Variants in PAWR observed in about 807,000 individuals in gnomAD.
The protein encoded by PAWR is PRKC apoptosis WT1 regulator protein.
A neutral mutation model predicts 32.0 loss-of-function variants in PAWR; 23 were observed. That is an observed-to-expected ratio of 0.72 (90% confidence interval 0.52 to 1.02). The LOEUF (loss-of-function observed/expected upper bound fraction) is 1.02. Among genes scored for constraint, PAWR ranks in the 50% least tolerant of loss-of-function variants. The pLI is 0.00. For synonymous variants in PAWR, 226 were observed against 187.1 expected (o/e 1.21, Z -1.70); for missense variants, 457 against 437.7 (o/e 1.04, Z -0.39).
chr12:79,613,577 T>G lies in PAWR; in HGVS notation c.681A>C (p.Lys227Asn). Residue 227 changes from lysine to asparagine, a missense_variant and splice_region_variant, in exon 4 of 7, where the codon AAA (lysine) becomes AAC (asparagine). Lys to Asn is a moderately conservative substitution (Grantham distance 94). Transcript: ENST00000328827. ...GTTTAAGTCATAAGGATTCTTACCT[T>G]TTATATCTGCCTGAAACTGTTCTAG... ...EPPRTVSGRY[K>N]STTSVSEEDV... is the part of the protein sequence containing the mutation. 6.5e-7 allele frequency: 1 copy of G among 1,536,248 alleles called. No individual in the cohort carries two copies. The highest frequency in any genetic ancestry group is 9.0e-7 in the Non-Finnish European group (1 of 1,114,828).
chr12:79,679,226 C>A (rs953755807), intron 2 of PAWR, among the ~76,000 whole-genome samples: 1 of 152,142 alleles, frequency 6.6e-6, no homozygotes, highest in Non-Finnish European at 1.5e-5. Context: ...GGGCACACAA[C>A]AGGCATTCAT....
Position 79,627,532 on chromosome 12 carries a change from C to T in PAWR, c.517-6325G>A, listed in dbSNP as rs576171055. On this transcript the variant is annotated intron_variant, in intron 2 of 6. Coordinates refer to ENST00000328827, the MANE Select transcript of PAWR (RefSeq NM_002583.4). The stretch of plus-strand genomic sequence containing the variant: ...TAGGTTGCAAAAATTTTCTCCCATT[C>T]TGTAGGTTGCCTGTTCACTCTGATG... 1.6e-3 allele frequency among the ~76,000 whole-genome samples: 242 copies of T among 152,154 alleles called. 1 individual carries two copies. The highest frequency in any genetic ancestry group is 5.4e-3 in the African/African-American group (226 of 41,520).
chr12:79,650,314 G>A (rs1273043688), intron 2 of PAWR, among the ~76,000 whole-genome samples: 1 of 152,150 alleles, frequency 6.6e-6, no homozygotes, highest in Non-Finnish European at 1.5e-5. Context: ...TGCAAAGGAA[G>A]GCTACACGCT....
intron 2 of PAWR, among the ~76,000 whole-genome samples, chr12:79,676,588 G>A (rs1192906447): frequency 6.6e-6 from 1 of 152,074 alleles, no homozygotes; most frequent in East Asian, 1.9e-4. Context: ...GTGTACTACA[G>A]CCTGATAGTT....
intron 4 of PAWR, among the ~76,000 whole-genome samples, chr12:79,601,541 T>C (rs1279156753): frequency 6.6e-6 from 1 of 152,090 alleles, no homozygotes; most frequent in East Asian, 1.9e-4. Flanking sequence ...AAACTAAAGA[T>C]CTCCAAATAT....
At chr12:79,629,715 C>A (rs1396852190) in intron 2 of PAWR, among the ~76,000 whole-genome samples, 1 of 151,914 alleles carries the variant, frequency 6.6e-6, no homozygotes, top group African/African-American at 2.4e-5. Flanking sequence ...ACTGTATGTT[C>A]AATAAGACAG....
chr12:79,603,671 T>C (rs1874052149), intron 4 of PAWR: 1 of 136,694 alleles, frequency 7.3e-6, no homozygotes, highest in African/African-American at 2.7e-5. Flanking sequence ...TATGCTATTT[T>C]TTTTTTTTTT....
chr12:79,679,184 T>G (rs1021195732), intron 2 of PAWR, among the ~76,000 whole-genome samples: 2 of 152,182 alleles, frequency 1.3e-5, no homozygotes, highest in Non-Finnish European at 2.9e-5. Flanking sequence ...TAAAGACTGG[T>G]GAATATTTTC....
intron 4 of PAWR, among the ~76,000 whole-genome samples, chr12:79,606,447 C>G (rs1295385003): frequency 1.3e-5 from 2 of 152,122 alleles, no homozygotes; most frequent in African/African-American, 4.8e-5. Context: ...AATACTATAA[C>G]ATGGTTTATC....
chr12:79,690,083 G>A lies in PAWR; in HGVS notation c.162C>T (p.Pro54=), dbSNP rs1235291617. The change falls in exon 2 of 7, where the codon CCC becomes CCT. Residue 54 remains proline, a synonymous_variant. Coordinates refer to ENST00000328827, the MANE Select transcript of PAWR (RefSeq NM_002583.4). Reference sequence around the variant, plus strand: ...CCGCCGGGGTGCCCAGAGCCCCCGCGGGGGGCTTCCCAGCGGCGTCGCTGC... The same window carrying A: ...CCGCCGGGGTGCCCAGAGCCCCCGCAGGGGGCTTCCCAGCGGCGTCGCTGC... The part of the protein sequence containing the change: ...GGSSDAAGKP[P]AGALGTPAAA... 26 of 1,428,996 alleles carry A rather than the reference G, an allele frequency of 1.8e-5. No individual in the cohort carries two copies. The highest frequency in any genetic ancestry group is 3.1e-5 in the Admixed American group (1 of 31,842). The allele number at this position is 1,428,996 out of a possible 1,614,324, so 88.5% of individuals were successfully genotyped here.
At chr12:79,657,174 TC>T (rs1169834526) in intron 2 of PAWR, among the ~76,000 whole-genome samples, 1 of 151,716 alleles carries the variant, frequency 6.6e-6, no homozygotes, top group Non-Finnish European at 1.5e-5. Flanking sequence ...AAAAAAAGAG[TC>T]CATAATGTAT....
intron 3 of PAWR, among the ~76,000 whole-genome samples, chr12:79,613,947 A>T (rs865803395): frequency 2.4e-4 from 1 of 4,176 alleles, no homozygotes; most frequent in Non-Finnish European, 4.2e-4. Context: ...ATATATATAT[A>T]TATATATATA....
intron 4 of PAWR, among the ~76,000 whole-genome samples, chr12:79,609,584 A>G (rs1874345849): frequency 6.6e-6 from 1 of 152,092 alleles, no homozygotes; most frequent in South Asian, 2.1e-4. Context: ...GAGGAAGAGA[A>G]GAGGAGAAGC....
At chr12:79,667,568 A>G (rs1337202684) in intron 2 of PAWR, among the ~76,000 whole-genome samples, 1 of 152,214 alleles carries the variant, frequency 6.6e-6, no homozygotes, top group Middle Eastern at 3.2e-3. Flanking sequence ...GCAAGCAACT[A>G]TAATGTATAG....
chr12:79,598,775 C>A (rs565536138), intron 4 of PAWR, among the ~76,000 whole-genome samples: 2 of 152,306 alleles, frequency 1.3e-5, no homozygotes, highest in South Asian at 2.1e-4. Context: ...ATTTTTGTCA[C>A]CTGATCTTAT....
intron 4 of PAWR, 61 bp downstream of exon 4, chr12:79,613,514 T>C: frequency 1.2e-6 from 1 of 862,646 alleles, no homozygotes. Context: ...TCTAGTTAAG[T>C]CAATGTCAGA....
intron 2 of PAWR, among the ~76,000 whole-genome samples, chr12:79,651,487 A>C (rs1266230421): frequency 5.3e-5 from 8 of 152,148 alleles, no homozygotes; most frequent in Non-Finnish European, 1.0e-4. Context: ...CTCTCCAAAT[A>C]CAGCTGCCTC....
At chr12:79,671,542 T>C (rs1877900095) in intron 2 of PAWR, among the ~76,000 whole-genome samples, 1 of 152,238 alleles carries the variant, frequency 6.6e-6, no homozygotes, top group African/African-American at 2.4e-5. Flanking sequence ...GTATTGGATC[T>C]TGTCAAATAC....
Position 79,591,188 on chromosome 12 carries a change from G to C in PAWR, c.*1419C>G, listed in dbSNP as rs1873543595. The C allele has an allele frequency of 6.6e-6, 1 of 152,138 alleles. No homozygotes were observed. Among genetic ancestry groups the C allele is most frequent in the Admixed American group, 6.5e-5 (1 of 15,274 alleles). 9.4% of individuals were successfully genotyped at this position (152,138 alleles called of 1,614,324 possible). ...GCCAAGCTGGAAACTTCTGAACTGG[G>C]GGAGAAAGCCAACCTAGGTAAATGT... is the stretch of plus-strand genomic sequence containing the variant. On this transcript the variant is annotated 3_prime_UTR_variant, in exon 7 of 7. Coordinates refer to ENST00000328827, the MANE Select transcript of PAWR (RefSeq NM_002583.4).
Sources: gnomAD v4.1 joint callset for allele counts (sites outside exome capture counted in the v4.1 genomes callset) on GRCh38, gnomAD v4.1.1 for gene constraint, MANE v1.5 for transcripts, NCBI Gene and HGNC (gene_info 2026-07-23, HGNC 2026-07-21) for gene names.